Variants in LHPP observed in about 807,000 individuals in gnomAD.
LHPP encodes the protein hLHPP.
LHPP carries 24 observed loss-of-function variants against 30.3 expected under a neutral mutation model. That is an observed-to-expected ratio of 0.79 (90% CI 0.57 to 1.11). The LOEUF is 1.11. Among genes scored for constraint, LHPP ranks in the 50% most tolerant of loss-of-function variants. The pLI is 0.00. For missense variants in LHPP, 356 were observed against 367.2 expected, an observed-to-expected ratio of 0.97 and a Z score of 0.25; for synonymous variants, 150 against 157.1, an observed-to-expected ratio of 0.95 and a Z score of 0.34.
At chr10:124,569,936 T>C (rs1948557355) in intron 6 of LHPP, among the ~76,000 whole-genome samples, 1 of 152,088 alleles carries the variant, frequency 6.6e-6, no homozygotes, top group African/African-American at 2.4e-5. Context: ...CACCCAGAAG[T>C]TTCCCCGTGC....
At chr10:124,544,246 G>A (rs192375388) in intron 6 of LHPP, among the ~76,000 whole-genome samples, 6 of 152,238 alleles carry the variant, frequency 3.9e-5, no homozygotes, top group African/African-American at 1.4e-4. Flanking sequence ...GTCATGCTGG[G>A]TCCCCCCATC....
rs910020467 is a variant in LHPP at position 124,576,086 on chromosome 10, G to A, written c.717-37178G>A. On this transcript the variant is annotated intron_variant, in intron 6 of 6. Transcript: ENST00000368842. The surrounding 1 kb of genome is among the most constrained non-coding windows in gnomAD (Gnocchi z 4.2). ...TGGATTGGTCGTTTCTGCATTGTCCGGAGCTCTCAGACCTGGTTTCTTAAC... is the reference window on the plus strand; with the variant it reads ...TGGATTGGTCGTTTCTGCATTGTCCAGAGCTCTCAGACCTGGTTTCTTAAC... Among the ~76,000 whole-genome samples, 6 of 152,142 alleles carry A rather than the reference G, an allele frequency of 3.9e-5. No homozygotes were observed. Among genetic ancestry groups the A allele is most frequent in the East Asian group, 1.9e-4 (1 of 5,198 alleles).
intron 6 of LHPP, among the ~76,000 whole-genome samples, chr10:124,557,027 G>A (rs559208481): frequency 2.0e-5 from 3 of 152,124 alleles, no homozygotes; most frequent in South Asian, 2.1e-4. Context: ...CGAGACAGGC[G>A]GTCGGTGCTC....
chr10:124,488,353 T>A (rs1953404195), intron 2 of LHPP, 69 bp from the exon 3 acceptor site: 1 of 1,394,314 alleles, frequency 7.2e-7, no homozygotes, highest in African/African-American at 1.4e-5. Flanking sequence ...GTGTCCCTGG[T>A]AGGAGATGGG....
chr10:124,504,421 G>A (rs1327316390), intron 5 of LHPP, among the ~76,000 whole-genome samples: 3 of 121,418 alleles, frequency 2.5e-5, no homozygotes, highest in Admixed American at 9.6e-5. Context: ...GAAAAACCCC[G>A]TCTCTACAGA....
At chr10:124,499,381 C>T (rs1181144818) in intron 5 of LHPP, among the ~76,000 whole-genome samples, 4 of 151,784 alleles carry the variant, frequency 2.6e-5, no homozygotes, top group Admixed American at 2.6e-4. Context: ...TGGAGGCTGA[C>T]GCCTGTAGTC....
At chr10:124,586,544 G>A (rs571976317) in intron 6 of LHPP, among the ~76,000 whole-genome samples, 3 of 152,368 alleles carry the variant, frequency 2.0e-5, no homozygotes, top group African/African-American at 7.2e-5. Flanking sequence ...GGGACACAGT[G>A]CTGTGCCGAG....
At chr10:124,525,222 C>G (rs1456048524) in intron 6 of LHPP, among the ~76,000 whole-genome samples, 1 of 152,226 alleles carries the variant, frequency 6.6e-6, no homozygotes, top group Non-Finnish European at 1.5e-5. Flanking sequence ...CCCTCTCTGC[C>G]CGTCCCTCAG....
chr10:124,571,012 T>G (rs1464751361), intron 6 of LHPP, among the ~76,000 whole-genome samples: 1 of 152,242 alleles, frequency 6.6e-6, no homozygotes, highest in Admixed American at 6.5e-5. Context: ...TGATAGTGAA[T>G]TAGTCTCACA....
At chr10:124,494,752 G>C (rs922100198) in intron 3 of LHPP, among the ~76,000 whole-genome samples, 4 of 152,038 alleles carry the variant, frequency 2.6e-5, no homozygotes, top group Non-Finnish European at 4.4e-5. Context: ...CCTGTCCCCC[G>C]CCCTGTTCAA....
intron 6 of LHPP, among the ~76,000 whole-genome samples, chr10:124,543,421 G>A (rs1459508509): frequency 6.6e-6 from 1 of 152,252 alleles, no homozygotes; most frequent in Non-Finnish European, 1.5e-5. Context: ...CCGTGGCTGC[G>A]GTGATGTGCT....
At chr10:124,605,984 GC>G (rs1949087261) in intron 6 of LHPP, among the ~76,000 whole-genome samples, 1 of 152,090 alleles carries the variant, frequency 6.6e-6, no homozygotes, top group South Asian at 2.1e-4. Flanking sequence ...GTGTGCCTCC[GC>G]TTCTACCTCC....
chr10:124,506,917 G>C (rs1318715133), intron 5 of LHPP, among the ~76,000 whole-genome samples: 23 of 26,908 alleles, frequency 8.5e-4, no homozygotes, highest in Non-Finnish European at 1.3e-3. Context: ...TTCAGGTTGG[G>C]GGGTAGACAG....
intron 1 of LHPP, among the ~76,000 whole-genome samples, chr10:124,481,745 C>A (rs547489786): frequency 4.6e-5 from 7 of 152,242 alleles, no homozygotes; most frequent in East Asian, 1.9e-4. Flanking sequence ...CCACATACCC[C>A]ACGCTGCTCG....
intron 6 of LHPP, chr10:124,553,937 C>T (rs1417164784): frequency 2.0e-6 from 2 of 985,460 alleles, no homozygotes; most frequent in Non-Finnish European, 2.4e-6. Context: ...CCAGGAGGGA[C>T]AGAGCCCCCC....
chr10:124,508,487 G>A (rs1031778054), intron 5 of LHPP, among the ~76,000 whole-genome samples: 1 of 152,192 alleles, frequency 6.6e-6, no homozygotes, highest in Non-Finnish European at 1.5e-5. Context: ...GGGAGTTGCA[G>A]GAGCTTCCGG....
At chr10:124,536,527 G>C (rs1955032358) in intron 6 of LHPP, among the ~76,000 whole-genome samples, 1 of 152,164 alleles carries the variant, frequency 6.6e-6, no homozygotes, top group South Asian at 2.1e-4. Flanking sequence ...CAAGGCTTTG[G>C]GCTCCAGGGA....
At chr10:124,484,412 G>A in intron 2 of LHPP, 86 bp downstream of exon 2, 2 of 1,314,760 alleles carry the variant, frequency 1.5e-6, no homozygotes, top group Non-Finnish European at 2.1e-6. Flanking sequence ...TCTTTCACTG[G>A]GCCAAACCAC....
chr10:124,522,421 G>A (rs1954632757), intron 6 of LHPP, among the ~76,000 whole-genome samples: 1 of 152,200 alleles, frequency 6.6e-6, no homozygotes, highest in African/African-American at 2.4e-5. Context: ...CTGTGCCATG[G>A]GTGGCAAATC....
Sources: gnomAD v4.1 joint callset for allele counts (sites outside exome capture counted in the v4.1 genomes callset) on GRCh38, gnomAD v4.1.1 for gene constraint, Gnocchi (gnomAD v3.1) non-coding constraint, MANE v1.5 for transcripts, NCBI Gene and HGNC (gene_info 2026-07-23, HGNC 2026-07-21) for gene names.